GRIK2: variants seen among roughly 807,000 people sequenced by gnomAD.
The protein encoded by GRIK2 is glutamate receptor ionotropic, kainate 2.
GRIK2 carries 32 observed loss-of-function variants against 100.3 expected under a neutral mutation model. The ratio of observed to expected loss-of-function variants is 0.32; its 90% CI spans 0.24 to 0.43. The LOEUF (loss-of-function observed/expected upper bound fraction) is 0.43, where lower values mean the gene tolerates loss of function less well. Ranked by LOEUF, GRIK2 falls within the 20% of genes least tolerant of loss-of-function variation. The pLI, the probability that GRIK2 is intolerant of heterozygous loss-of-function variation, is 1.00. For missense variants in GRIK2, 843 were observed against 1,114.9 expected (o/e 0.76, Z 3.47); for synonymous variants, 417 against 389.4 (o/e 1.07, Z -0.83).
intron 14 of GRIK2, among the ~76,000 whole-genome samples, chr6:102,013,493 G>T (rs950060386): frequency 1.3e-5 from 2 of 152,074 alleles, no homozygotes; most frequent in Non-Finnish European, 2.9e-5. Flanking sequence ...GGTGAGAGAG[G>T]GCGTCCTTGC....
chr6:101,492,449 T>A (rs1178766972), intron 2 of GRIK2, among the ~76,000 whole-genome samples: 1 of 151,936 alleles, frequency 6.6e-6, no homozygotes, highest in South Asian at 2.1e-4. Context: ...CATTTCTCTC[T>A]CTCAAAAATG....
chr6:101,607,122 T>C (rs1292649420), intron 2 of GRIK2, among the ~76,000 whole-genome samples: 1 of 152,006 alleles, frequency 6.6e-6, no homozygotes, highest in East Asian at 1.9e-4. Flanking sequence ...CAGATAAGGA[T>C]ATATGTTGGC....
At chr6:101,537,541 G>T (rs932176038) in intron 2 of GRIK2, among the ~76,000 whole-genome samples, 2 of 151,132 alleles carry the variant, frequency 1.3e-5, no homozygotes, top group Non-Finnish European at 3.0e-5. Context: ...GCTTTTTTAA[G>T]TTATTTATCT....
intron 2 of GRIK2, among the ~76,000 whole-genome samples, chr6:101,479,337 T>C (rs1054557304): frequency 6.6e-6 from 1 of 152,222 alleles, no homozygotes; most frequent in Non-Finnish European, 1.5e-5. Context: ...ATCATTTAAA[T>C]ATTCCCTTCT....
chr6:101,450,356 T>C (rs1582476739), intron 2 of GRIK2, among the ~76,000 whole-genome samples: 2 of 151,822 alleles, frequency 1.3e-5, no homozygotes, highest in South Asian at 2.1e-4. Flanking sequence ...TATTACAATA[T>C]TGTACTATGT....
chr6:101,404,801 T>G (rs1243226825), intron 2 of GRIK2, among the ~76,000 whole-genome samples: 1 of 152,180 alleles, frequency 6.6e-6, no homozygotes, highest in Non-Finnish European at 1.5e-5. Flanking sequence ...AATTGAATCT[T>G]CTACCCTAAA....
At chr6:101,970,678 C>A (rs1477834234) in intron 14 of GRIK2, among the ~76,000 whole-genome samples, 1 of 150,908 alleles carries the variant, frequency 6.6e-6, no homozygotes, top group Non-Finnish European at 1.5e-5. Flanking sequence ...GCTACTCATG[C>A]CCCATCCCAA....
At chr6:101,945,062 T>A (rs1791189090) in intron 14 of GRIK2, among the ~76,000 whole-genome samples, 1 of 152,088 alleles carries the variant, frequency 6.6e-6, no homozygotes, top group Non-Finnish European at 1.5e-5. Flanking sequence ...GATGAACAAG[T>A]TTTACCAACA....
chr6:102,068,268 A>C, intron 16 of GRIK2, 79 bp from the exon 17 acceptor site: 1 of 1,028,376 alleles, frequency 9.7e-7, no homozygotes, highest in South Asian at 1.6e-5. Flanking sequence ...AAGTCTGTTG[A>C]GGATGATTTT....
intron 4 of GRIK2, among the ~76,000 whole-genome samples, chr6:101,668,904 C>T (rs1176052599): frequency 6.6e-6 from 1 of 152,126 alleles, no homozygotes; most frequent in African/African-American, 2.4e-5. Flanking sequence ...AAATTGATGA[C>T]AGTCTCTTAA....
chr6:101,875,353 A>G (rs1785750634), intron 11 of GRIK2, among the ~76,000 whole-genome samples: 1 of 151,906 alleles, frequency 6.6e-6, no homozygotes, highest in South Asian at 2.1e-4. Context: ...TTTAAGTACT[A>G]TCGCTAGTCA....
chr6:101,549,991 C>T (rs919222314), intron 2 of GRIK2, among the ~76,000 whole-genome samples: 1 of 152,182 alleles, frequency 6.6e-6, no homozygotes, highest in Non-Finnish European at 1.5e-5. Context: ...ACCATCACAC[C>T]ACCTCCTTTT....
At position 102,000,657 on chromosome 6, in the gene GRIK2, C is replaced by A. The variant is rs529186290; in HGVS notation, c.2086-34684C>A. Among the ~76,000 whole-genome samples, 3 of 152,162 alleles carry A rather than the reference C, an allele frequency of 2.0e-5. No individual in the cohort carries two copies. In the South Asian group the frequency reaches 6.2e-4, roughly 32 times the overall value. ...TTGTCCATTTATCTATGCTGTTGAA[C>A]TTATTGGTTTAATGTTTTTTACAAT... On this transcript the variant is annotated intron_variant, in intron 14 of 16. Coordinates refer to ENST00000369134, the MANE Select transcript of GRIK2 (RefSeq NM_021956.5).
intron 2 of GRIK2, among the ~76,000 whole-genome samples, chr6:101,448,529 T>A (rs1770497369): frequency 6.6e-6 from 1 of 151,600 alleles, no homozygotes; most frequent in South Asian, 2.1e-4. Context: ...TTTATTTATA[T>A]AATCATATGA....
At chr6:101,821,677 A>C (rs1264658240) in intron 10 of GRIK2, among the ~76,000 whole-genome samples, 1 of 152,124 alleles carries the variant, frequency 6.6e-6, no homozygotes, top group African/African-American at 2.4e-5. Flanking sequence ...CTTTTTCTGA[A>C]TACTCTGACT....
chr6:101,538,760 T>C (rs1582669297), intron 2 of GRIK2, among the ~76,000 whole-genome samples: 1 of 151,724 alleles, frequency 6.6e-6, no homozygotes, highest in East Asian at 1.9e-4. Context: ...AATATGTGAC[T>C]GTGTTAGAAA....
intron 14 of GRIK2, among the ~76,000 whole-genome samples, chr6:101,972,276 CT>C: frequency 1.3e-5 from 2 of 151,914 alleles, no homozygotes; most frequent in Non-Finnish European, 2.9e-5. Context: ...TGTTTTTTGT[CT>C]GTTTAATAAT....
At chr6:101,601,925 T>A (rs1392942844) in intron 2 of GRIK2, among the ~76,000 whole-genome samples, 1 of 151,758 alleles carries the variant, frequency 6.6e-6, no homozygotes, top group Admixed American at 6.6e-5. Context: ...TGGGTCTTAA[T>A]TTTATTCAGT....
At position 102,024,480 on chromosome 6, in the gene GRIK2, A is replaced by T. The variant is rs1052637939; in HGVS notation, c.2086-10861A>T. Among the ~76,000 whole-genome samples the T allele has an allele frequency of 4.0e-5, 6 of 151,308 alleles. No individual in the cohort carries two copies. The Admixed American group carries it at 4.0e-4, about 10-fold the overall frequency. ...ACTAGTTCATCACTGAGGAGAAGCAAACATCTGTATCCAGGAAATGAATAG... is the reference window on the plus strand; with the variant it reads ...ACTAGTTCATCACTGAGGAGAAGCATACATCTGTATCCAGGAAATGAATAG... On this transcript the variant is annotated intron_variant, in intron 14 of 16. Coordinates refer to ENST00000369134, the MANE Select transcript of GRIK2 (RefSeq NM_021956.5).
Sources: gnomAD v4.1 joint callset for allele counts (sites outside exome capture counted in the v4.1 genomes callset) on GRCh38, gnomAD v4.1.1 for gene constraint, MANE v1.5 for transcripts, NCBI Gene and HGNC (gene_info 2026-07-23, HGNC 2026-07-21) for gene names.